The following ESRRG variants were observed in gnomAD, a reference collection of about 807,000 sequenced individuals.
ESRRG encodes the protein estrogen-related receptor gamma.
In ESRRG, 13 loss-of-function variants were observed where a neutral mutation model predicts 44.0. That is an observed-to-expected ratio of 0.30 (90% CI 0.19 to 0.47). The LOEUF (loss-of-function observed/expected upper bound fraction) is 0.47, where lower values mean the gene tolerates loss of function less well. Among genes scored for constraint, ESRRG ranks in the 20% least tolerant of loss-of-function variants. The pLI is 1.00. For synonymous variants in ESRRG, 215 were observed against 214.6 expected, an observed-to-expected ratio of 1.00 and a Z score of -0.02; for missense variants, 395 against 580.6, an observed-to-expected ratio of 0.68 and a Z score of 3.29.
At chr1:216,822,961 C>CT (rs1048086952) in intron 2 of ESRRG, among the ~76,000 whole-genome samples, 3 of 152,066 alleles carry the variant, frequency 2.0e-5, no homozygotes, top group African/African-American at 7.2e-5. Flanking sequence ...GCTTTGTTTT[C>CT]TTTTTTAATT....
intron 2 of ESRRG, among the ~76,000 whole-genome samples, chr1:216,741,408 C>T (rs985239718): frequency 1.3e-5 from 2 of 150,744 alleles, no homozygotes; most frequent in South Asian, 2.1e-4. Context: ...AACCTCACAA[C>T]CCCTTTCTAA....
intron 2 of ESRRG, among the ~76,000 whole-genome samples, chr1:216,806,281 C>T (rs895103192): frequency 3.9e-5 from 6 of 152,142 alleles, no homozygotes; most frequent in Non-Finnish European, 8.8e-5. Context: ...ATTGATTGTT[C>T]CCCTATCAAA....
chr1:216,550,069 C>T (rs1479681160), intron 5 of ESRRG, among the ~76,000 whole-genome samples: 7 of 152,012 alleles, frequency 4.6e-5, no homozygotes, highest in African/African-American at 1.4e-4. Flanking sequence ...AAAGCAATGT[C>T]CATTTGAAGC....
chr1:216,590,402 T>A (rs369885806), intron 3 of ESRRG, among the ~76,000 whole-genome samples: 27 of 152,116 alleles, frequency 1.8e-4, no homozygotes, highest in African/African-American at 6.5e-4. Context: ...ATTATGAACA[T>A]AAACCATACA....
intron 2 of ESRRG, chr1:216,862,289 A>C (rs1055630780): frequency 6.8e-6 from 1 of 147,298 alleles, no homozygotes; most frequent in Non-Finnish European, 1.5e-5. Flanking sequence ...CGGTGGCGTG[A>C]TCTTGGCTCA....
chr1:216,796,319 G>A (rs1000262442), intron 2 of ESRRG, among the ~76,000 whole-genome samples: 2 of 152,072 alleles, frequency 1.3e-5, no homozygotes, highest in Non-Finnish European at 2.9e-5. Flanking sequence ...TCTCCAAGGC[G>A]AACACTGGAG....
At chr1:217,092,454 C>G (rs1216422177), upstream of ESRRG, among the ~76,000 whole-genome samples, 1 of 152,126 alleles carries the variant, frequency 6.6e-6, no homozygotes. Context: ...AACTGAGGCA[C>G]AGAGAAGTTG....
intron 5 of ESRRG, among the ~76,000 whole-genome samples, chr1:216,523,275 T>C (rs2046625777): frequency 6.6e-6 from 1 of 152,270 alleles, no homozygotes; most frequent in Non-Finnish European, 1.5e-5. Context: ...TGACCCGCAG[T>C]TAAATAGCAT....
chr1:217,110,034 G>C (rs1170168074), intron 1 of ESRRG, among the ~76,000 whole-genome samples: 1 of 152,070 alleles, frequency 6.6e-6, no homozygotes, highest in Non-Finnish European at 1.5e-5. Flanking sequence ...TGTTACTAAG[G>C]AGAATGCTTT....
chr1:216,738,655 G>T (rs150932628), intron 2 of ESRRG, among the ~76,000 whole-genome samples: 2 of 152,150 alleles, frequency 1.3e-5, no homozygotes, highest in East Asian at 3.9e-4. Context: ...ATTAAGTAGG[G>T]GAAAAGTATG....
chr1:216,977,597 G>T (rs1439308890), intron 1 of ESRRG, among the ~76,000 whole-genome samples: 1 of 152,020 alleles, frequency 6.6e-6, no homozygotes, highest in African/African-American at 2.4e-5. Context: ...AGGTGCCGGG[G>T]CCTCCAGGAA....
In ESRRG at chr1:216,702,608, C is replaced by CA. The variant is rs61361041; in HGVS notation, c.56+20635dup. Among the ~76,000 whole-genome samples, 364 of 132,312 alleles carry CA rather than the reference C, an allele frequency of 2.8e-3. 13 individuals are homozygous for CA. The highest frequency in any genetic ancestry group is 6.7e-3 in the African/African-American group (230 of 34,516). 86.8% of individuals were successfully genotyped at this position (132,312 alleles called of 152,430 possible). A position where few individuals can be genotyped will look rare whatever the true frequency, so the allele number is the denominator to read the frequency against. On this transcript the variant is annotated intron_variant, in intron 1 of 6. Coordinates refer to ENST00000408911, the MANE Select transcript of ESRRG (RefSeq NM_001438.4). ...CAAAACCCCATCTTTACTAAAAATA[C>CA]AAAAAAAAAAAAAAGAAAATTAGCC...
intron 2 of ESRRG, among the ~76,000 whole-genome samples, chr1:216,908,837 A>AG (rs913828863): frequency 6.6e-6 from 1 of 151,806 alleles, no homozygotes; most frequent in Non-Finnish European, 1.5e-5. Flanking sequence ...CCTAGAAAAA[A>AG]AAAAAAACAT....
At chr1:216,668,200 G>A (rs898854292) in intron 2 of ESRRG, among the ~76,000 whole-genome samples, 1 of 152,178 alleles carries the variant, frequency 6.6e-6, no homozygotes, top group Non-Finnish European at 1.5e-5. Context: ...GAGACAGTAG[G>A]AAAGAAGGTT....
intron 2 of ESRRG, among the ~76,000 whole-genome samples, chr1:216,784,729 C>T (rs908082893): frequency 1.3e-5 from 2 of 151,948 alleles, no homozygotes; most frequent in East Asian, 3.9e-4. Flanking sequence ...CCTTCCTCCT[C>T]CCTTTTGCCC....
At chr1:216,844,669 G>T (rs1164403147) in intron 2 of ESRRG, among the ~76,000 whole-genome samples, 3 of 152,082 alleles carry the variant, frequency 2.0e-5, no homozygotes, top group Non-Finnish European at 4.4e-5. Context: ...AGAGTTCCCT[G>T]ACTCTGCTAT....
At chr1:217,129,686 T>C (rs2092938897) in intron 1 of ESRRG, among the ~76,000 whole-genome samples, 1 of 152,138 alleles carries the variant, frequency 6.6e-6, no homozygotes, top group Admixed American at 6.6e-5. Context: ...ATGAAGATAA[T>C]AAGAGAAAGA....
chr1:216,950,916 G>T (rs1222608316), intron 1 of ESRRG, among the ~76,000 whole-genome samples: 1 of 152,114 alleles, frequency 6.6e-6, no homozygotes, highest in African/African-American at 2.4e-5. Flanking sequence ...TTTAAAATTA[G>T]TGGTCACATG....
intron 3 of ESRRG, among the ~76,000 whole-genome samples, chr1:216,569,119 G>GGAA (rs2060249519): frequency 8.4e-6 from 1 of 119,350 alleles, no homozygotes; most frequent in Non-Finnish European, 1.8e-5. Flanking sequence ...GAAGAAGGAA[G>GGAA]GAAGGAAGGA....
Sources: allele counts gnomAD v4.1 joint callset (sites outside exome capture counted in the v4.1 genomes callset), GRCh38; gene constraint gnomAD v4.1.1; transcripts MANE v1.5; gene names NCBI Gene and HGNC (gene_info 2026-07-23, HGNC 2026-07-21).